The following INSYN2B variants were observed in gnomAD, a reference collection of about 807,000 sequenced individuals.
INSYN2B encodes the protein protein INSYN2B.
Under a neutral mutation model 41.2 loss-of-function variants are expected in INSYN2B, and 16 were observed. That is an observed-to-expected ratio of 0.39 (90% CI 0.26 to 0.59). INSYN2B has a LOEUF of 0.59. Among genes scored for constraint, INSYN2B ranks in the 20% least tolerant of loss-of-function variants. INSYN2B has a pLI of 0.57. For missense variants in INSYN2B, 608 were observed against 646.4 expected (o/e 0.94, Z 0.64); for synonymous variants, 245 against 244.4 (o/e 1.00, Z -0.02).
chr5:169,894,336 T>G (rs1180047277), intron 1 of INSYN2B, among the ~76,000 whole-genome samples: 5 of 152,072 alleles, frequency 3.3e-5, no homozygotes. Context: ...CTCTTAGAGG[T>G]GCCTTGGGTG....
intron 1 of INSYN2B, among the ~76,000 whole-genome samples, chr5:169,912,190 C>G (rs544943148): frequency 2.0e-5 from 3 of 152,056 alleles, no homozygotes; most frequent in Middle Eastern, 3.4e-3. Context: ...TTTGTTTTGT[C>G]TTTCAGTTAT....
chr5:169,874,655 T>C (rs1429590331), intron 3 of INSYN2B, among the ~76,000 whole-genome samples: 1 of 152,106 alleles, frequency 6.6e-6, no homozygotes, highest in Non-Finnish European at 1.5e-5. Context: ...GGGCCGTTCT[T>C]AGCGTTTGGT....
intron 1 of INSYN2B, among the ~76,000 whole-genome samples, chr5:169,927,717 T>C (rs1357596915): frequency 6.6e-6 from 1 of 152,194 alleles, no homozygotes; most frequent in Admixed American, 6.5e-5. Context: ...CCCGAGTTCA[T>C]GCCATTCTCC....
At chr5:169,871,295 T>C (rs191972679) in intron 3 of INSYN2B, among the ~76,000 whole-genome samples, 78 of 152,296 alleles carry the variant, frequency 5.1e-4, no homozygotes, top group African/African-American at 1.7e-3. Flanking sequence ...CCTAACTCTT[T>C]CCAGCATTTT....
intron 1 of INSYN2B, among the ~76,000 whole-genome samples, chr5:169,972,542 C>T (rs890622987): frequency 2.1e-5 from 3 of 141,330 alleles, no homozygotes; most frequent in African/African-American, 8.0e-5. Context: ...CACTGTGAGA[C>T]AGATAGATAG....
At chr5:169,932,205 A>T (rs1005775836) in intron 1 of INSYN2B, among the ~76,000 whole-genome samples, 1 of 152,100 alleles carries the variant, frequency 6.6e-6, no homozygotes. Flanking sequence ...CATCACCTGC[A>T]CACACACACA....
At chr5:169,877,723 A>G (rs1372437462) in intron 3 of INSYN2B, among the ~76,000 whole-genome samples, 1 of 152,228 alleles carries the variant, frequency 6.6e-6, no homozygotes, top group Non-Finnish European at 1.5e-5. Context: ...TGCCACAGAA[A>G]TAAAGTCCAT....
In INSYN2B at chr5:169,929,761, AAG is replaced by A. The variant is rs1254868385; in HGVS notation, c.-918-44947_-918-44946del. On this transcript the variant is annotated intron_variant, in intron 1 of 3. Transcript: ENST00000377365. The stretch of plus-strand genomic sequence containing the variant: ...TGTCTCAAAAAAAAAAAAAAAAAAA[AAG>A]AGAGAGAGAGAAAGAAGCTATCCTG... Among the ~76,000 whole-genome samples the A allele has an allele frequency of 2.2e-3, 334 of 149,572 alleles. 2 individuals carry two copies. Among genetic ancestry groups the A allele is most frequent in the African/African-American group, 8.0e-3 (322 of 40,238 alleles).
At chr5:169,979,857 GT>G (rs774093458) in intron 1 of INSYN2B, among the ~76,000 whole-genome samples, 1 of 152,044 alleles carries the variant, frequency 6.6e-6, no homozygotes, top group Non-Finnish European at 1.5e-5. Flanking sequence ...AAAGATAATG[GT>G]TTTTTTCATA....
In INSYN2B at chr5:169,955,612, A is replaced by C. The variant is rs186883979; in HGVS notation, c.-919+24665T>G. Among the ~76,000 whole-genome samples the C allele has an allele frequency of 2.4e-3, 370 of 152,324 alleles. 1 individual carries two copies. The highest frequency in any genetic ancestry group is 3.2e-3 in the Admixed American group (49 of 15,298). On this transcript the variant is annotated intron_variant, in intron 1 of 3. Coordinates refer to ENST00000377365, the MANE Select transcript of INSYN2B (RefSeq NM_001129891.3). Reference sequence around the variant, plus strand: ...TTTCCACCTGGTCCTTAAGGTTCTGAGGACCGTGTATGAAGCAGTATCATG... The same window carrying C: ...TTTCCACCTGGTCCTTAAGGTTCTGCGGACCGTGTATGAAGCAGTATCATG...
At chr5:169,960,677 T>G (rs1211229768) in intron 1 of INSYN2B, among the ~76,000 whole-genome samples, 1 of 152,228 alleles carries the variant, frequency 6.6e-6, no homozygotes, top group Non-Finnish European at 1.5e-5. Flanking sequence ...GGTCTCTATA[T>G]TGTTGTCCCC....
At chr5:169,949,766 C>A (rs1299802573) in intron 1 of INSYN2B, among the ~76,000 whole-genome samples, 1 of 140,068 alleles carries the variant, frequency 7.1e-6, no homozygotes, top group Non-Finnish European at 1.5e-5. Context: ...ATTTCAGATT[C>A]ATTTAATTAA....
At chr5:169,947,096 A>G (rs1034235726) in intron 1 of INSYN2B, among the ~76,000 whole-genome samples, 11 of 152,192 alleles carry the variant, frequency 7.2e-5, no homozygotes, top group African/African-American at 2.7e-4. Flanking sequence ...ACACAACACT[A>G]TGACTCCCTG....
In INSYN2B at chr5:169,863,032, C is replaced by A. The variant is rs971019246; in HGVS notation, c.*1241G>T. ...GGAATCTGAGCCTTTCCATCCTACC[C>A]CTCATCCACAAGAGTATATAGCAAT... On this transcript the variant is annotated 3_prime_UTR_variant, in exon 4 of 4. Transcript: ENST00000377365. Among the ~76,000 whole-genome samples, 4 of 152,180 alleles carry A rather than the reference C, an allele frequency of 2.6e-5. No homozygotes were observed. The highest frequency in any genetic ancestry group is 9.7e-5 in the African/African-American group (4 of 41,436).
intron 1 of INSYN2B, among the ~76,000 whole-genome samples, chr5:169,909,439 G>A (rs1335709959): frequency 5.9e-5 from 9 of 152,136 alleles, no homozygotes; most frequent in Admixed American, 5.9e-4. Context: ...AAAAATCTAA[G>A]TTTTTTCTTT....
chr5:169,955,442 A>G (rs1268091532), intron 1 of INSYN2B, among the ~76,000 whole-genome samples: 1 of 152,148 alleles, frequency 6.6e-6, no homozygotes, highest in Non-Finnish European at 1.5e-5. Flanking sequence ...GCGCCCCTGG[A>G]CAGTACGTGC....
chr5:169,936,757 A>G (rs35887885), intron 1 of INSYN2B, among the ~76,000 whole-genome samples: 37,496 of 151,866 alleles, frequency 0.25, 4,907 homozygotes, highest in Non-Finnish European at 0.28. Flanking sequence ...CCTCATGAAT[A>G]ATCTCTGATC....
chr5:169,915,614 G>A (rs1472489273), intron 1 of INSYN2B, among the ~76,000 whole-genome samples: 3 of 151,574 alleles, frequency 2.0e-5, no homozygotes, highest in Non-Finnish European at 4.4e-5. Context: ...AGGGAGGGAG[G>A]GGAGAGAGAG....
chr5:169,885,106 A>G (rs959419757), intron 1 of INSYN2B, among the ~76,000 whole-genome samples: 4 of 152,106 alleles, frequency 2.6e-5, no homozygotes, highest in Admixed American at 6.5e-5. Flanking sequence ...AGCCTTTACA[A>G]TGTCTCCCTC....
Sources: allele counts gnomAD v4.1 joint callset (sites outside exome capture counted in the v4.1 genomes callset), GRCh38; gene constraint gnomAD v4.1.1; transcripts MANE v1.5; gene names NCBI Gene and HGNC (gene_info 2026-07-23, HGNC 2026-07-21).